Variants in SCPEP1 observed in about 807,000 individuals in gnomAD.
The protein encoded by SCPEP1 is serine carboxypeptidase 1.
In SCPEP1, 51 loss-of-function variants were observed where a neutral mutation model predicts 63.8. That is an observed-to-expected ratio of 0.80 (90% CI 0.64 to 1.01). SCPEP1 has a LOEUF of 1.01. Ranked by LOEUF, SCPEP1 falls within the 50% of genes least tolerant of loss-of-function variation. The probability of loss-of-function intolerance (pLI) is 0.00; values close to 1 mark genes in which losing one functional copy is unlikely to be tolerated. For synonymous variants in SCPEP1, 204 were observed against 207.8 expected, an observed-to-expected ratio of 0.98 and a Z score of 0.16; for missense variants, 499 against 554.9, an observed-to-expected ratio of 0.90 and a Z score of 1.01.
intron 5 of SCPEP1, among the ~76,000 whole-genome samples, chr17:56,989,675 G>A (rs542789173): frequency 2.0e-5 from 3 of 152,074 alleles, no homozygotes; most frequent in African/African-American, 7.2e-5. Flanking sequence ...AGGCGGGCGC[G>A]GTGGCTCATG....
At chr17:56,981,697 C>G (rs1911073514) in intron 2 of SCPEP1, among the ~76,000 whole-genome samples, 1 of 152,128 alleles carries the variant, frequency 6.6e-6, no homozygotes, top group African/African-American at 2.4e-5. Flanking sequence ...TAGCACATAC[C>G]TATAATCCCA....
intron 2 of SCPEP1, 57 bp from the exon 3 acceptor site, chr17:56,985,321 C>A: frequency 7.7e-7 from 1 of 1,297,192 alleles, no homozygotes; most frequent in Non-Finnish European, 1.1e-6. Context: ...TGTGGTCATT[C>A]ATTGTAAAGA....
Position 56,995,644 on chromosome 17 carries a change from G to A in SCPEP1, c.786+9G>A, listed in dbSNP as rs1009728248. 6.2e-7 allele frequency: 1 copy of A among 1,613,128 alleles called. No homozygotes were observed. Among genetic ancestry groups the A allele is most frequent in the African/African-American group, 1.3e-5 (1 of 74,866 alleles). On this transcript the variant is annotated intron_variant, in intron 8 of 12. Coordinates refer to ENST00000262288, the MANE Select transcript of SCPEP1 (RefSeq NM_021626.3). The stretch of plus-strand genomic sequence containing the variant: ...AAATGATCATTGAACAGGTAAAAAG[G>A]GGAAACACTCAGAGGCGAGCCTGCT...
intron 5 of SCPEP1, among the ~76,000 whole-genome samples, chr17:56,990,684 G>A (rs1278513295): frequency 1.3e-5 from 2 of 152,096 alleles, no homozygotes; most frequent in African/African-American, 2.4e-5. Context: ...CTAGAGGCTG[G>A]AGTACAGTAG....
At chr17:56,998,225 C>T (rs1053933533) in intron 9 of SCPEP1, 160 bp from the exon 10 acceptor site, 25 of 516,028 alleles carry the variant, frequency 4.8e-5, no homozygotes, top group African/African-American at 3.7e-4. Context: ...GCAGGAAAAT[C>T]GCTTGAACCC....
chr17:56,978,149 C>G lies in SCPEP1; in HGVS notation c.-11C>G. Reference sequence around the variant, plus strand: ...CCAGCCTGTTGCTGATGCTGCCGTGCGGTACTTGTCATGGAGCTGGCACTG... The same window carrying G: ...CCAGCCTGTTGCTGATGCTGCCGTGGGGTACTTGTCATGGAGCTGGCACTG... On this transcript the variant is annotated 5_prime_UTR_variant, in exon 1 of 13. Coordinates refer to ENST00000262288, the MANE Select transcript of SCPEP1 (RefSeq NM_021626.3). The G allele has an allele frequency of 7.8e-7, 1 of 1,289,990 alleles. No homozygotes were observed. Among genetic ancestry groups the G allele is most frequent in the East Asian group, 2.5e-5 (1 of 40,266 alleles). The allele number at this position is 1,289,990 out of a possible 1,614,324, so 79.9% of individuals were successfully genotyped here. A position where few individuals can be genotyped will look rare whatever the true frequency, so the allele number is the denominator to read the frequency against.
At chr17:56,996,163 T>G (rs988511764) in intron 8 of SCPEP1, among the ~76,000 whole-genome samples, 1 of 152,148 alleles carries the variant, frequency 6.6e-6, no homozygotes. Context: ...ACTTCAGAGC[T>G]GCATTTCTTT....
chr17:56,998,209 G>A (rs997200907), intron 9 of SCPEP1, 176 bp from the exon 10 acceptor site: 4 of 506,602 alleles, frequency 7.9e-6, no homozygotes, highest in African/African-American at 2.0e-5. Context: ...TACTCGGGAG[G>A]CTGAGGCAGG....
chr17:56,982,572 A>C (rs922568960), intron 2 of SCPEP1, among the ~76,000 whole-genome samples: 1 of 152,154 alleles, frequency 6.6e-6, no homozygotes, highest in Non-Finnish European at 1.5e-5. Context: ...CACAATTGGC[A>C]GGGAGAGCCA....
chr17:56,993,831 A>G (rs8074066), intron 6 of SCPEP1, among the ~76,000 whole-genome samples: 127,491 of 152,200 alleles, frequency 0.84, 53,565 homozygotes, highest in Admixed American at 0.89. Flanking sequence ...CTGGCCTACC[A>G]GGCCAAAATT....
chr17:56,990,330 C>T (rs1333354651), intron 5 of SCPEP1, among the ~76,000 whole-genome samples: 1 of 151,998 alleles, frequency 6.6e-6, no homozygotes, highest in Non-Finnish European at 1.5e-5. Context: ...TATCAGTGAG[C>T]TTAAATAAGG....
At chr17:56,994,860 A>G (rs564238720) in intron 6 of SCPEP1, 121 bp from the exon 7 acceptor site, 1 of 861,112 alleles carries the variant, frequency 1.2e-6, no homozygotes, top group East Asian at 2.5e-5. Context: ...GAGCCTTCCA[A>G]TCCAAAGCCA....
intron 2 of SCPEP1, among the ~76,000 whole-genome samples, chr17:56,981,581 G>A (rs1280145184): frequency 6.6e-6 from 1 of 152,150 alleles, no homozygotes; most frequent in Non-Finnish European, 1.5e-5. Context: ...TTGGGAGGCC[G>A]AGGTGGGTGG....
chr17:56,995,402 G>T, intron 7 of SCPEP1, 105 bp from the exon 8 acceptor site: 3 of 1,236,462 alleles, frequency 2.4e-6, no homozygotes, highest in Non-Finnish European at 3.4e-6. Flanking sequence ...GTGAGCTCCC[G>T]TTCTCCTTCC....
rs1281604974 is a variant in SCPEP1 at position 57,006,287 on chromosome 17, C to G, written c.*52C>G. The G allele has an allele frequency of 7.1e-7, 1 of 1,413,920 alleles. No homozygotes were observed. The highest frequency in any genetic ancestry group is 1.3e-5 in the South Asian group (1 of 75,320). The allele number at this position is 1,413,920 out of a possible 1,614,324, so 87.6% of individuals were successfully genotyped here. A position where few individuals can be genotyped will look rare whatever the true frequency, so the allele number is the denominator to read the frequency against. On this transcript the variant is annotated 3_prime_UTR_variant, in exon 13 of 13. Coordinates refer to ENST00000262288, the MANE Select transcript of SCPEP1 (RefSeq NM_021626.3). ...TTTGGCCTTGGGGCACAGAGCTGAG[C>G]TGAGGCCGCTGAAGCTGTAGGAAGC...
intron 8 of SCPEP1, among the ~76,000 whole-genome samples, chr17:56,996,640 C>T (rs1034603974): frequency 6.6e-6 from 1 of 152,104 alleles, no homozygotes; most frequent in Non-Finnish European, 1.5e-5. Context: ...ATGCCTCAGC[C>T]TCCAGAGTAG....
At chr17:56,987,472 T>C (rs1911256501) in intron 3 of SCPEP1, 1 of 399,276 alleles carries the variant, frequency 2.5e-6, no homozygotes, top group African/African-American at 2.1e-5. Context: ...TCTCCCTTTT[T>C]TTTTTTTTGC....
At chr17:56,979,980 T>C (rs944770845) in intron 1 of SCPEP1, among the ~76,000 whole-genome samples, 4 of 152,228 alleles carry the variant, frequency 2.6e-5, no homozygotes, top group African/African-American at 9.6e-5. Context: ...ATTTCGTTTA[T>C]AGTGTTGAGA....
intron 12 of SCPEP1, among the ~76,000 whole-genome samples, chr17:57,004,740 T>A (rs1911834821): frequency 6.6e-6 from 1 of 152,220 alleles, no homozygotes; most frequent in Admixed American, 6.5e-5. Flanking sequence ...AAGCAAAGTT[T>A]GTGTGCACTG....
Sources: allele counts gnomAD v4.1 joint callset (sites outside exome capture counted in the v4.1 genomes callset), GRCh38; gene constraint gnomAD v4.1.1; transcripts MANE v1.5; gene names NCBI Gene and HGNC (gene_info 2026-07-23, HGNC 2026-07-21).